Variants in LRRC7 observed in about 807,000 individuals in gnomAD.
LRRC7 encodes leucine-rich repeat-containing protein 7.
Under a neutral mutation model 175.7 loss-of-function variants are expected in LRRC7, and 23 were observed. That is an observed-to-expected ratio of 0.13 (90% CI 0.09 to 0.19). The LOEUF is 0.19. Ranked by LOEUF, LRRC7 falls within the 10% of genes least tolerant of loss-of-function variation. The pLI is 1.00. For missense variants in LRRC7, 1,354 were observed against 1,904.7 expected (o/e 0.71, Z 5.38); for synonymous variants, 685 against 680.9 (o/e 1.01, Z -0.09).
At position 69,691,768 on chromosome 1, in the gene LRRC7, A is replaced by T. The variant is rs1232393042; in HGVS notation, c.100+13290A>T. Among the ~76,000 whole-genome samples, 4 of 142,924 alleles carry T rather than the reference A, an allele frequency of 2.8e-5. No individual in the cohort carries two copies. The East Asian group carries it at 8.7e-4, about 31-fold the overall frequency. The allele number at this position is 142,924 out of a possible 152,430, so 93.8% of individuals were successfully genotyped here. The stretch of plus-strand genomic sequence containing the variant: ...AGTTGTGATTACACTGCTGCACTCC[A>T]GCCTGGGCAAAAGAGGGAGACCCTG... On this transcript the variant is annotated intron_variant, in intron 2 of 26. Transcript: ENST00000651989.
At chr1:69,956,362 G>A (rs2101833813) in intron 8 of LRRC7, among the ~76,000 whole-genome samples, 1 of 151,870 alleles carries the variant, frequency 6.6e-6, no homozygotes, top group East Asian at 1.9e-4. Context: ...ATAACACAGA[G>A]CTGCATATGG....
chr1:69,923,708 T>A (rs2101744488), intron 7 of LRRC7, among the ~76,000 whole-genome samples: 1 of 152,138 alleles, frequency 6.6e-6, no homozygotes, highest in East Asian at 1.9e-4. Flanking sequence ...ATTAGCCCTT[T>A]GTCAGATGAG....
chr1:70,094,738 G>A (rs1664267778), intron 25 of LRRC7, among the ~76,000 whole-genome samples: 1 of 152,098 alleles, frequency 6.6e-6, no homozygotes, highest in South Asian at 2.1e-4. Flanking sequence ...TTTATCCAAG[G>A]ATAACAATAC....
chr1:69,736,123 G>C (rs1668092727), intron 2 of LRRC7, among the ~76,000 whole-genome samples: 1 of 151,962 alleles, frequency 6.6e-6, no homozygotes, highest in Non-Finnish European at 1.5e-5. Flanking sequence ...ATAACATGTT[G>C]AAATCAATTA....
At chr1:69,630,383 G>T (rs1290923140) in intron 1 of LRRC7, among the ~76,000 whole-genome samples, 1 of 152,076 alleles carries the variant, frequency 6.6e-6, no homozygotes, top group Non-Finnish European at 1.5e-5. Flanking sequence ...CTATTAATAG[G>T]TTGAGAGTTA....
chr1:69,603,791 A>C (rs1341779), intron 1 of LRRC7, among the ~76,000 whole-genome samples: 22,938 of 151,934 alleles, frequency 0.15, 1,913 homozygotes, highest in Admixed American at 0.19. Flanking sequence ...TTTTCTTTTA[A>C]ATTTATTTTA....
At chr1:69,589,113 A>AGG (rs1377459298) in intron 1 of LRRC7, among the ~76,000 whole-genome samples, 30 of 87,648 alleles carry the variant, frequency 3.4e-4, no homozygotes, top group African/African-American at 1.9e-3. Context: ...CTTCATAAAA[A>AGG]GGGTGTGTGT....
At chr1:69,870,102 G>A (rs1338184759) in intron 7 of LRRC7, among the ~76,000 whole-genome samples, 1 of 152,138 alleles carries the variant, frequency 6.6e-6, no homozygotes, top group East Asian at 1.9e-4. Flanking sequence ...TCTAAATTCA[G>A]AGAGCAGTGG....
intron 25 of LRRC7, among the ~76,000 whole-genome samples, chr1:70,097,702 A>C (rs1438972182): frequency 1.3e-5 from 2 of 149,884 alleles, no homozygotes; most frequent in African/African-American, 4.9e-5. Context: ...ATGAGTGAGA[A>C]TATGCGGTGT....
chr1:69,993,198 A>G (rs1291297646), intron 10 of LRRC7, among the ~76,000 whole-genome samples: 3 of 152,166 alleles, frequency 2.0e-5, no homozygotes, highest in African/African-American at 7.2e-5. Context: ...TGGATTTTCA[A>G]ACTTCAATGA....
At chr1:69,651,060 G>A (rs374103480) in intron 1 of LRRC7, among the ~76,000 whole-genome samples, 3 of 152,144 alleles carry the variant, frequency 2.0e-5, no homozygotes, top group African/African-American at 4.8e-5. Flanking sequence ...ATGAAAATAA[G>A]TGACGAATGT....
At position 70,135,000 on chromosome 1, in the gene LRRC7, T is replaced by C. The variant is rs1666808402; in HGVS notation, c.*13113T>C. 6.6e-6 allele frequency among the ~76,000 whole-genome samples: 1 copy of C among 152,210 alleles called. No homozygotes were observed. The highest frequency in any genetic ancestry group is 1.5e-5 in the Non-Finnish European group (1 of 68,044). ...TTTAATGATAGGTTTAGTTGTAAAA[T>C]CCAGAACTATTTAAATACTAGAATG... On this transcript the variant is annotated 3_prime_UTR_variant, in exon 27 of 27. Transcript: ENST00000651989.
At chr1:70,032,168 C>T (rs780536900) in intron 18 of LRRC7, among the ~76,000 whole-genome samples, 23 of 152,198 alleles carry the variant, frequency 1.5e-4, no homozygotes, top group African/African-American at 5.3e-4. Flanking sequence ...GCCATTTGCA[C>T]AGTGTCTGTC....
At position 70,143,512 on chromosome 1, in the gene LRRC7, C is replaced by T. The variant is rs1667167280; in HGVS notation, c.*21625C>T. On this transcript the variant is annotated 3_prime_UTR_variant, in exon 27 of 27. Transcript: ENST00000651989. ...TTCACTGCATAGTTTATTGACACTA[C>T]CCTTGTAAAGCTTTTATGGAAGAAC... 6.6e-6 allele frequency: 1 copy of T among 152,046 alleles called. No homozygotes were observed. Among genetic ancestry groups the T allele is most frequent in the South Asian group, 2.1e-4 (1 of 4,834 alleles). 9.4% of individuals were successfully genotyped at this position (152,046 alleles called of 1,614,324 possible). A position where few individuals can be genotyped will look rare whatever the true frequency, so the allele number is the denominator to read the frequency against.
chr1:69,937,417 A>G (rs1178695903), intron 8 of LRRC7, among the ~76,000 whole-genome samples: 1 of 152,068 alleles, frequency 6.6e-6, no homozygotes, highest in Non-Finnish European at 1.5e-5. Flanking sequence ...ATTTATTGAT[A>G]TTCCATTTTT....
At chr1:69,873,864 A>G (rs1416826205) in intron 7 of LRRC7, 1 of 153,940 alleles carries the variant, frequency 6.5e-6, no homozygotes, top group Non-Finnish European at 1.4e-5. Flanking sequence ...TGATTTCACT[A>G]TTTGTTATGT....
At position 69,631,173 on chromosome 1, in the gene LRRC7, A is replaced by T. The variant is rs1270183281; in HGVS notation, c.3-47208A>T. 2.0e-5 allele frequency among the ~76,000 whole-genome samples: 3 copies of T among 152,046 alleles called. No individual in the cohort carries two copies. The East Asian group carries it at 5.8e-4, about 29-fold the overall frequency. On this transcript the variant is annotated intron_variant, in intron 1 of 26. Transcript: ENST00000651989. Reference sequence around the variant, plus strand: ...TTTTCTTTATGTCTGCACTTTTCGAAACCCTATTATACCTTAATTCACTGC... The same window carrying T: ...TTTTCTTTATGTCTGCACTTTTCGATACCCTATTATACCTTAATTCACTGC...
In LRRC7 at chr1:70,144,074, AAC is replaced by A. The variant is rs1667201745; in HGVS notation, c.*22188_*22189del. 6.6e-6 allele frequency: 1 copy of A among 152,192 alleles called. No homozygotes were observed. The highest frequency in any genetic ancestry group is 1.5e-5 in the Non-Finnish European group (1 of 68,036). The allele number at this position is 152,192 out of a possible 1,614,324, so 9.4% of individuals were successfully genotyped here. The stretch of plus-strand genomic sequence containing the variant: ...ATGAATCTATATTTTAAATTTACTG[AAC>A]CAGTGAAATTAATTACTGTCAGTTA... On this transcript the variant is annotated 3_prime_UTR_variant, in exon 27 of 27. Coordinates refer to ENST00000651989, the MANE Select transcript of LRRC7 (RefSeq NM_001370785.2).
intron 8 of LRRC7, among the ~76,000 whole-genome samples, chr1:69,960,741 A>T (rs1650982074): frequency 6.6e-6 from 1 of 152,050 alleles, no homozygotes. Flanking sequence ...TGATTATCTC[A>T]ATCAATGCAG....
Sources: allele counts gnomAD v4.1 joint callset (sites outside exome capture counted in the v4.1 genomes callset), GRCh38; gene constraint gnomAD v4.1.1; transcripts MANE v1.5; gene names NCBI Gene and HGNC (gene_info 2026-07-23, HGNC 2026-07-21).